WDR7: variants seen among roughly 807,000 people sequenced by gnomAD.
The protein encoded by WDR7 is WD repeat domain 7.
In WDR7, 46 loss-of-function variants were observed where a neutral mutation model predicts 169.4. That is an observed-to-expected ratio of 0.27 (90% CI 0.21 to 0.35). The LOEUF (loss-of-function observed/expected upper bound fraction) is 0.35. Ranked by LOEUF, WDR7 falls within the 10% of genes least tolerant of loss-of-function variation. WDR7 has a pLI of 1.00. For missense variants in WDR7, 1,534 were observed against 1,859.3 expected (o/e 0.83, Z 3.22); for synonymous variants, 612 against 666.8 (o/e 0.92, Z 1.27).
intron 26 of WDR7, among the ~76,000 whole-genome samples, chr18:57,005,979 A>G (rs1657405): frequency 0.017 from 2,563 of 152,332 alleles, 80 homozygotes; most frequent in African/African-American, 0.059. Context: ...TGCAAAGTTC[A>G]TATATAAAGT....
At chr18:57,009,832 CACCAGGCACTAT>C in intron 26 of WDR7, 2 of 984,856 alleles carry the variant, frequency 2.0e-6, no homozygotes, top group Non-Finnish European at 2.4e-6. Flanking sequence ...AATTTTGTGT[CACCAGGCACTAT>C]ACCAGGCAAA....
At chr18:57,023,124 T>C (rs1054763931) in intron 27 of WDR7, among the ~76,000 whole-genome samples, 5 of 152,218 alleles carry the variant, frequency 3.3e-5, no homozygotes, top group Admixed American at 6.5e-5. Context: ...CAAAAACAAG[T>C]CCTTTCAGCT....
chr18:56,802,097 C>T (rs957120981), intron 19 of WDR7, among the ~76,000 whole-genome samples: 4 of 152,174 alleles, frequency 2.6e-5, no homozygotes, highest in African/African-American at 9.7e-5. Flanking sequence ...TCCTATTGCT[C>T]TGCATCTTTG....
intron 26 of WDR7, among the ~76,000 whole-genome samples, chr18:56,966,700 A>G (rs1405057218): frequency 3.3e-5 from 5 of 152,148 alleles, no homozygotes; most frequent in African/African-American, 1.2e-4. Context: ...ATTCTTCAAG[A>G]GTCAACTGTA....
chr18:56,981,250 G>T (rs532717272), intron 26 of WDR7, among the ~76,000 whole-genome samples: 4 of 152,322 alleles, frequency 2.6e-5, no homozygotes, highest in African/African-American at 9.6e-5. Flanking sequence ...GAGCTGAATA[G>T]ATGGGAAACA....
chr18:57,023,192 A>T (rs1286310869), intron 27 of WDR7, among the ~76,000 whole-genome samples: 1 of 152,256 alleles, frequency 6.6e-6, no homozygotes, highest in African/African-American at 2.4e-5. Context: ...ATTTGAATTA[A>T]GAGTCCAAAA....
At chr18:56,960,673 A>G (rs912387999) in intron 25 of WDR7, among the ~76,000 whole-genome samples, 1 of 151,412 alleles carries the variant, frequency 6.6e-6, no homozygotes, top group African/African-American at 2.5e-5. Flanking sequence ...TTATCGAGTA[A>G]CAAAACAGTA....
intron 23 of WDR7, 51 bp downstream of exon 23, chr18:56,935,956 T>C (rs767718498): frequency 3.3e-6 from 5 of 1,505,614 alleles, no homozygotes; most frequent in Non-Finnish European, 4.6e-6. Context: ...AGGAATTATT[T>C]GATACTATAA....
chr18:56,686,400 T>C (rs892723113), intron 6 of WDR7, among the ~76,000 whole-genome samples: 2 of 152,224 alleles, frequency 1.3e-5, no homozygotes, highest in Admixed American at 6.5e-5. Context: ...TTTAGTCATC[T>C]ATTTCAGTTC....
chr18:56,980,252 A>G (rs563502959), intron 26 of WDR7, among the ~76,000 whole-genome samples: 1 of 152,330 alleles, frequency 6.6e-6, no homozygotes, highest in South Asian at 2.1e-4. Flanking sequence ...TATTTTTAAT[A>G]CAAAGGGGCT....
intron 16 of WDR7, among the ~76,000 whole-genome samples, chr18:56,772,635 A>T (rs1257886707): frequency 6.6e-6 from 1 of 152,106 alleles, no homozygotes; most frequent in Non-Finnish European, 1.5e-5. Flanking sequence ...TTATTTCCAT[A>T]GACATAGAGA....
At chr18:56,970,633 G>A (rs528931510) in intron 26 of WDR7, among the ~76,000 whole-genome samples, 44 of 152,188 alleles carry the variant, frequency 2.9e-4, no homozygotes, top group Non-Finnish European at 5.0e-4. Context: ...TCCCCTGCGC[G>A]AGTGGGATAT....
At chr18:56,683,535 C>A (rs1415206655) in intron 5 of WDR7, among the ~76,000 whole-genome samples, 1 of 152,142 alleles carries the variant, frequency 6.6e-6, no homozygotes, top group African/African-American at 2.4e-5. Flanking sequence ...ACCACCACTA[C>A]CACCGGTATC....
intron 25 of WDR7, among the ~76,000 whole-genome samples, chr18:56,943,122 G>A (rs2047055274): frequency 1.3e-5 from 2 of 152,104 alleles, no homozygotes; most frequent in Non-Finnish European, 2.9e-5. Context: ...GTTAATATAT[G>A]AACAACAACA....
At chr18:56,776,190 A>T (rs2044240785) in intron 16 of WDR7, among the ~76,000 whole-genome samples, 1 of 152,130 alleles carries the variant, frequency 6.6e-6, no homozygotes, top group South Asian at 2.1e-4. Context: ...AATTAAAAAA[A>T]AAAAACTCCA....
At chr18:56,706,674 A>G (rs988324029) in intron 12 of WDR7, among the ~76,000 whole-genome samples, 5 of 152,070 alleles carry the variant, frequency 3.3e-5, no homozygotes, top group Non-Finnish European at 7.4e-5. Context: ...GACTTTTTAG[A>G]AAAATTTTAT....
Position 57,028,056 on chromosome 18 carries a change from ACT to A in WDR7, c.*853_*854del, listed in dbSNP as rs918187491. ...AGCATAGCGTGTACCGAAAATGAAG[ACT>A]CTCCTATCTACTGCTACAGATCCTG... On this transcript the variant is annotated 3_prime_UTR_variant, in exon 28 of 28. Transcript: ENST00000254442. 6.6e-6 allele frequency: 1 copy of A among 152,000 alleles called. No individual in the cohort carries two copies. The highest frequency in any genetic ancestry group is 1.5e-5 in the Non-Finnish European group (1 of 67,996). The allele number at this position is 152,000 out of a possible 1,614,324, so 9.4% of individuals were successfully genotyped here.
rs115496859 is a variant in WDR7, at chr18:56,913,981, T to C, written c.3527-9941T>C. ...CCAGCTGCTTTCAAGTTGAAAGCAGTCTGCATCACTGTCCTCCACATAACC... is the reference window on the plus strand; with the variant it reads ...CCAGCTGCTTTCAAGTTGAAAGCAGCCTGCATCACTGTCCTCCACATAACC... On this transcript the variant is annotated intron_variant, in intron 21 of 27. Transcript: ENST00000254442. Among the ~76,000 whole-genome samples the C allele has an allele frequency of 6.1e-3, 929 of 152,200 alleles. 11 individuals carry two copies. Among genetic ancestry groups the C allele is most frequent in the African/African-American group, 0.021 (886 of 41,522 alleles).
rs1484177630 is a variant in WDR7 at position 57,027,181 on chromosome 18, G to A, written c.4447G>A (p.Gly1483Arg). The A allele has an allele frequency of 3.1e-6, 5 of 1,613,798 alleles. No individual in the cohort carries two copies. The highest frequency in any genetic ancestry group is 1.1e-5 in the South Asian group (1 of 91,024). ...CAACGTCATCCTCATGGCCCATGAC[G>A]GGAAGGAGCACCGCTTCATGGTCTA... ...NRNVILMAHD[G>R]KEHRFMV is the part of the protein sequence containing the mutation. Residue 1483 changes from glycine (G) to arginine (R), a missense_variant, in exon 28 of 28, where the codon GGG becomes AGG. Coordinates refer to ENST00000254442, the MANE Select transcript of WDR7 (RefSeq NM_015285.3).
Sources: allele counts gnomAD v4.1 joint callset (sites outside exome capture counted in the v4.1 genomes callset), GRCh38; gene constraint gnomAD v4.1.1; transcripts MANE v1.5; gene names NCBI Gene and HGNC (gene_info 2026-07-23, HGNC 2026-07-21).